Variants in SLC7A9 observed in about 807,000 individuals in gnomAD.
SLC7A9 encodes solute carrier family 7 member 9, also known as B(0,+)-type amino acid transporter 1.
A neutral mutation model predicts 54.1 loss-of-function variants in SLC7A9; 38 were observed. The ratio of observed to expected loss-of-function variants is 0.70; its 90% CI spans 0.54 to 0.92. The LOEUF (loss-of-function observed/expected upper bound fraction) is 0.92. SLC7A9 is among the 40% of genes least tolerant of loss of function. SLC7A9 has a pLI of 0.00. For synonymous variants in SLC7A9, 264 were observed against 258.9 expected, an observed-to-expected ratio of 1.02 and a Z score of -0.19; for missense variants, 537 against 636.1, an observed-to-expected ratio of 0.84 and a Z score of 1.68.
rs201293865 is a variant in SLC7A9 at position 32,869,400 on chromosome 19, A to AT, written c.-112+285dup. Among the ~76,000 whole-genome samples the AT allele has an allele frequency of 7.7e-3, 1,178 of 152,146 alleles. 5 individuals carry two copies. Among genetic ancestry groups the AT allele is most frequent in the Non-Finnish European group, 0.013 (869 of 68,018 alleles). On this transcript the variant is annotated intron_variant, in intron 1 of 12. Coordinates refer to ENST00000023064, the MANE Select transcript of SLC7A9 (RefSeq NM_014270.5). ...TTTGTACTTTTTAAATTTTTACAAT[A>AT]TTTTTTATAAAGACGGGAGTGTTGC...
chr19:32,831,095 TAAAGGCTTTTAG>T lies in SLC7A9; in HGVS notation c.1400-423_1400-412del, dbSNP rs1967770183. On this transcript the variant is annotated intron_variant, in intron 12 of 12. Transcript: ENST00000023064. Reference sequence around the variant, plus strand: ...CTGGAAGAGGATGCCCAGGAAGTCTTAAAGGCTTTTAGAAATGGGGTTTCCTAGGCAGGCGGA... The same window carrying T: ...CTGGAAGAGGATGCCCAGGAAGTCTTAAATGGGGTTTCCTAGGCAGGCGGA... Among the ~76,000 whole-genome samples the T allele has an allele frequency of 2.0e-5, 3 of 151,294 alleles. No homozygotes were observed. In the South Asian group the frequency reaches 6.3e-4, roughly 32 times the overall value.
intron 2 of SLC7A9, 22 bp downstream of exon 2, chr19:32,868,426 G>C: frequency 1.2e-6 from 2 of 1,603,696 alleles, no homozygotes; most frequent in South Asian, 2.2e-5. Context: ...CAAAGGGCCT[G>C]CCCCACCAGA....
At chr19:32,864,532 G>A (rs1968905498) in intron 3 of SLC7A9, 97 bp downstream of exon 3, 3 of 1,546,348 alleles carry the variant, frequency 1.9e-6, no homozygotes, top group Non-Finnish European at 2.7e-6. Context: ...CATGTGCCAA[G>A]AGGGATACTG....
intron 2 of SLC7A9, among the ~76,000 whole-genome samples, chr19:32,867,848 T>G (rs1969017366): frequency 6.8e-6 from 1 of 146,624 alleles, no homozygotes; most frequent in Admixed American, 7.0e-5. Context: ...AGGAGCTGCT[T>G]GAACCCAGGA....
chr19:32,833,711 C>T (rs535555104), intron 11 of SLC7A9, among the ~76,000 whole-genome samples: 5 of 151,760 alleles, frequency 3.3e-5, no homozygotes, highest in South Asian at 2.1e-4. Flanking sequence ...GCAGGAGAGT[C>T]GCTTGAACCC....
intron 9 of SLC7A9, among the ~76,000 whole-genome samples, chr19:32,854,787 C>G (rs932975943): frequency 2.0e-5 from 3 of 152,090 alleles, no homozygotes; most frequent in African/African-American, 7.2e-5. Context: ...AGGGTTTCAC[C>G]ATGTTGGCCA....
At chr19:32,830,795 C>G in intron 12 of SLC7A9, 111 bp from the exon 13 acceptor site, 1 of 810,206 alleles carries the variant, frequency 1.2e-6, no homozygotes, top group East Asian at 2.7e-5. Flanking sequence ...TGATGCGTCA[C>G]CTAGACCCTG....
intron 1 of SLC7A9, among the ~76,000 whole-genome samples, chr19:32,868,906 G>A (rs762254997): frequency 6.6e-6 from 1 of 151,766 alleles, no homozygotes; most frequent in Non-Finnish European, 1.5e-5. Context: ...AAAGTAAAAA[G>A]AAATATTTAA....
chr19:32,834,514 C>T (rs1967898938), intron 11 of SLC7A9, among the ~76,000 whole-genome samples: 1 of 152,026 alleles, frequency 6.6e-6, no homozygotes, highest in African/African-American at 2.4e-5. Flanking sequence ...CCTGTAATCC[C>T]AGCAACTTGG....
rs141338143 is a variant in SLC7A9, at chr19:32,855,295, T to C, written c.977+3145A>G. ...GGGACCAAGGGAAAGCCAAAAGAGA[T>C]AAGACAGATAAGCTACAAGCCCGCC... On this transcript the variant is annotated intron_variant, in intron 9 of 12. Transcript: ENST00000023064. Among the ~76,000 whole-genome samples the C allele has an allele frequency of 1.4e-3, 218 of 152,180 alleles. 1 individual carries two copies. The highest frequency in any genetic ancestry group is 5.1e-3 in the African/African-American group (212 of 41,544).
intron 10 of SLC7A9, among the ~76,000 whole-genome samples, chr19:32,842,748 GATT>G (rs1049997838): frequency 2.0e-5 from 3 of 152,062 alleles, no homozygotes; most frequent in African/African-American, 4.8e-5. Context: ...GAGTAGCTGA[GATT>G]ATAGGCAGGC....
Position 32,846,328 on chromosome 19 carries a change from G to A in SLC7A9, c.978-2377C>T, listed in dbSNP as rs191304974. On this transcript the variant is annotated intron_variant, in intron 9 of 12. Coordinates refer to ENST00000023064, the MANE Select transcript of SLC7A9 (RefSeq NM_014270.5). ...TGGGTCACTCCCACCCTAATACTGC[G>A]CTTTTCCAACGGGCTTAAAAAACGG... Among the ~76,000 whole-genome samples the A allele has an allele frequency of 6.6e-5, 10 of 152,316 alleles. 1 individual carries two copies. In the South Asian group the frequency reaches 8.3e-4, roughly 13 times the overall value.
At chr19:32,848,972 T>G (rs1373465862) in intron 9 of SLC7A9, among the ~76,000 whole-genome samples, 1 of 152,096 alleles carries the variant, frequency 6.6e-6, no homozygotes, top group Non-Finnish European at 1.5e-5. Context: ...AATAAAGATG[T>G]TCTTTGAAAC....
At chr19:32,864,590 A>G (rs1300476572) in intron 3 of SLC7A9, 39 bp downstream of exon 3, 2 of 1,609,440 alleles carry the variant, frequency 1.2e-6, no homozygotes, top group Non-Finnish European at 1.7e-6. Flanking sequence ...GTGCCCCTGC[A>G]TGCTTCCGGG....
chr19:32,860,038 G>T, intron 7 of SLC7A9, 74 bp from the exon 8 acceptor site: 1 of 1,612,248 alleles, frequency 6.2e-7, no homozygotes, highest in Non-Finnish European at 8.5e-7. Context: ...CCTCCCTGAG[G>T]CCCTCCCAGG....
chr19:32,864,452 C>T, intron 3 of SLC7A9, 114 bp from the exon 4 acceptor site: 1 of 1,539,446 alleles, frequency 6.5e-7, no homozygotes, highest in Non-Finnish European at 8.9e-7. Flanking sequence ...CCGTGGTCCG[C>T]CCTCGCTGGA....
intron 9 of SLC7A9, among the ~76,000 whole-genome samples, chr19:32,852,651 T>C (rs953891275): frequency 1.3e-5 from 2 of 152,134 alleles, no homozygotes; most frequent in African/African-American, 4.8e-5. Flanking sequence ...TTGATATTAA[T>C]TCCCAAAAGA....
chr19:32,833,690 C>G (rs1218177432), intron 11 of SLC7A9, among the ~76,000 whole-genome samples: 1 of 151,798 alleles, frequency 6.6e-6, no homozygotes, highest in Non-Finnish European at 1.5e-5. Context: ...CCCAGCTCCT[C>G]AGGAGCTGAG....
chr19:32,844,772 G>T (rs575705948), intron 9 of SLC7A9, among the ~76,000 whole-genome samples: 1 of 137,216 alleles, frequency 7.3e-6, no homozygotes, highest in Non-Finnish European at 1.6e-5. Context: ...CAGAGGTTGC[G>T]GTGAGCTGAG....
Sources: gnomAD v4.1 joint callset for allele counts (sites outside exome capture counted in the v4.1 genomes callset) on GRCh38, gnomAD v4.1.1 for gene constraint, MANE v1.5 for transcripts, NCBI Gene and HGNC (gene_info 2026-07-23, HGNC 2026-07-21) for gene names.